Variants in CATSPERD observed in about 807,000 individuals in gnomAD.
CATSPERD encodes cation channel sperm-associated auxiliary subunit delta.
A neutral mutation model predicts 98.1 loss-of-function variants in CATSPERD; 86 were observed. The ratio of observed to expected loss-of-function variants is 0.88; its 90% CI spans 0.74 to 1.05. The LOEUF (loss-of-function observed/expected upper bound fraction) is 1.05, where lower values mean the gene tolerates loss of function less well. CATSPERD is among the 50% of genes least tolerant of loss of function. The probability of loss-of-function intolerance (pLI) is 0.00; values close to 1 mark genes in which losing one functional copy is unlikely to be tolerated. For missense variants in CATSPERD, 995 were observed against 1,005.7 expected, an observed-to-expected ratio of 0.99 and a Z score of 0.14; for synonymous variants, 394 against 390.2, an observed-to-expected ratio of 1.01 and a Z score of -0.12.
intron 7 of CATSPERD, among the ~76,000 whole-genome samples, chr19:5,741,919 G>A (rs1423423926): frequency 1.3e-5 from 2 of 151,112 alleles, no homozygotes; most frequent in Admixed American, 1.3e-4. Flanking sequence ...TGTAATCCCA[G>A]CTACTTGGGA....
chr19:5,737,053 T>A, intron 5 of CATSPERD, 85 bp from the exon 6 acceptor site: 1 of 819,534 alleles, frequency 1.2e-6, no homozygotes, highest in Non-Finnish European at 2.0e-6. Flanking sequence ...CAAGACTCTG[T>A]CTCAAAAACA....
intron 6 of CATSPERD, among the ~76,000 whole-genome samples, chr19:5,739,006 T>A (rs1236040166): frequency 6.6e-6 from 1 of 151,612 alleles, no homozygotes; most frequent in Non-Finnish European, 1.5e-5. Flanking sequence ...GGGATTACAG[T>A]TGTGAGCCAC....
intron 9 of CATSPERD, 138 bp downstream of exon 9, chr19:5,746,201 C>A (rs1034314598): frequency 2.0e-5 from 18 of 891,636 alleles, no homozygotes; most frequent in Non-Finnish European, 3.1e-5. Flanking sequence ...TCAGAGTGGA[C>A]CACAAGCCCA....
At chr19:5,731,211 G>T (rs2055710591) in intron 4 of CATSPERD, among the ~76,000 whole-genome samples, 1 of 152,090 alleles carries the variant, frequency 6.6e-6, no homozygotes, top group Non-Finnish European at 1.5e-5. Flanking sequence ...TGGACATGGT[G>T]GTTCACGCCT....
rs35594514 is a variant in CATSPERD at position 5,769,314 on chromosome 19, A to AAAT, written c.1634+1072_1634+1073insAAT. Among the ~76,000 whole-genome samples the AAAT allele has an allele frequency of 8.3e-5, 11 of 132,940 alleles. 2 individuals are homozygous for AAAT. Among genetic ancestry groups the AAAT allele is most frequent in the East Asian group, 4.3e-4 (2 of 4,634 alleles). 87.2% of individuals were successfully genotyped at this position (132,940 alleles called of 152,430 possible). A position where few individuals can be genotyped will look rare whatever the true frequency, so the allele number is the denominator to read the frequency against. ...GAGACAAAAAAAAAAAAAAAAAAAA[A>AAAT]GAGGGTGGTGGGATGGGGGGAGGAG... On this transcript the variant is annotated intron_variant, in intron 18 of 21. Coordinates refer to ENST00000381624, the MANE Select transcript of CATSPERD (RefSeq NM_152784.4).
At chr19:5,747,614 T>TC (rs1426010967) in intron 9 of CATSPERD, among the ~76,000 whole-genome samples, 2 of 139,538 alleles carry the variant, frequency 1.4e-5, no homozygotes, top group African/African-American at 5.2e-5. Flanking sequence ...TCTTTTCTTT[T>TC]TTTTTTTTTT....
intron 7 of CATSPERD, among the ~76,000 whole-genome samples, chr19:5,742,978 T>C (rs1220186001): frequency 6.6e-6 from 1 of 152,032 alleles, no homozygotes; most frequent in African/African-American, 2.4e-5. Flanking sequence ...GTTCCTGACA[T>C]GGCAAAAGGA....
chr19:5,778,524 A>G lies in CATSPERD; in HGVS notation c.2245A>G (p.Thr749Ala). The G allele has an allele frequency of 6.2e-7, 1 of 1,613,928 alleles. No homozygotes were observed. Among genetic ancestry groups the G allele is most frequent in the Non-Finnish European group, 8.5e-7 (1 of 1,180,006 alleles). Residue 749 changes from threonine to alanine, a missense_variant, in exon 22 of 22, where the codon ACA becomes GCA. Physicochemically the swap from Thr to Ala is moderately conservative, Grantham distance 58. Transcript: ENST00000381624. ...CTACAAGACCCCCAAGCTGCTACGC[A>G]CAGCACGCGGCCGCAGGATCAAGAA... ...LAYKTPKLLR[T>A]ARGRRIKKCA... is the part of the protein sequence containing the mutation.
intron 16 of CATSPERD, 50 bp from the exon 17 acceptor site, chr19:5,766,053 G>A (rs527414297): frequency 3.2e-5 from 47 of 1,466,318 alleles, no homozygotes; most frequent in Middle Eastern, 3.5e-4. Context: ...CACTGTGTCC[G>A]GGTGACCCTC....
At position 5,720,761 on chromosome 19, in the gene CATSPERD, G is replaced by A; in HGVS notation, c.24G>A (p.Ala8=). The A allele has an allele frequency of 6.2e-7, 1 of 1,605,444 alleles. No homozygotes were observed. The highest frequency in any genetic ancestry group is 8.5e-7 in the Non-Finnish European group (1 of 1,179,710). Residue 8 remains alanine, a synonymous_variant, in exon 1 of 22, where the codon GCG becomes GCA. Coordinates refer to ENST00000381624, the MANE Select transcript of CATSPERD (RefSeq NM_152784.4). MLMLMLV[A]AVTMWLRPLV... ...CGATGCTGATGTTGATGCTGGTGGC[G>A]GCTGTGACCATGTGGCTCCGACCGC... is the stretch of plus-strand genomic sequence containing the variant.
chr19:5,774,579 C>T (rs1210766808), intron 20 of CATSPERD, among the ~76,000 whole-genome samples: 1 of 151,956 alleles, frequency 6.6e-6, no homozygotes, highest in Non-Finnish European at 1.5e-5. Flanking sequence ...ATCCCAGTTA[C>T]TGGGGAGCTT....
chr19:5,765,209 CAT>C, intron 16 of CATSPERD, among the ~76,000 whole-genome samples: 1 of 152,280 alleles, frequency 6.6e-6, no homozygotes, highest in East Asian at 1.9e-4. Context: ...GCGCCTGGCC[CAT>C]GTTTGTCTTA....
chr19:5,773,278 G>A (rs531398938), intron 20 of CATSPERD, among the ~76,000 whole-genome samples: 1 of 152,302 alleles, frequency 6.6e-6, no homozygotes, highest in East Asian at 1.9e-4. Flanking sequence ...GGCAGAGGTT[G>A]CAGTGAGCAC....
intron 15 of CATSPERD, among the ~76,000 whole-genome samples, chr19:5,760,633 T>C (rs371850399): frequency 4.0e-5 from 6 of 151,706 alleles, no homozygotes; most frequent in Non-Finnish European, 5.9e-5. Flanking sequence ...CAAGTTTCAG[T>C]TGGGGAAGAT....
intron 18 of CATSPERD, among the ~76,000 whole-genome samples, chr19:5,769,141 A>G (rs1358832506): frequency 1.3e-5 from 2 of 150,372 alleles, no homozygotes; most frequent in Non-Finnish European, 3.0e-5. Flanking sequence ...GCAACAGAGC[A>G]AGACTCTGTC....
At chr19:5,729,815 T>C in intron 3 of CATSPERD, 57 bp from the exon 4 acceptor site, 1 of 1,126,330 alleles carries the variant, frequency 8.9e-7, no homozygotes. Context: ...CTCTATTGTC[T>C]TTTTTCTTTC....
chr19:5,751,729 G>C lies in CATSPERD; in HGVS notation c.1070G>C (p.Arg357Pro). 3 of 1,613,872 alleles carry C rather than the reference G, an allele frequency of 1.9e-6. No individual in the cohort carries two copies. The highest frequency in any genetic ancestry group is 2.5e-6 in the Non-Finnish European group (3 of 1,179,972). Reference protein sequence around the residue: ...PGTLEILTPLRDTAFPAFDFQ... With the variant: ...PGTLEILTPLPDTAFPAFDFQ... ...ACTCTGGAAATACTGACCCCACTGC[G>C]TGACACAGCCTTTCCAGCTTTTGAT... Residue 357 changes from arginine to proline, a missense_variant, in exon 12 of 22, where the codon CGT (arginine) becomes CCT (proline). By Grantham distance (103) the Arg-to-Pro change is moderately radical. Transcript: ENST00000381624.
intron 21 of CATSPERD, among the ~76,000 whole-genome samples, chr19:5,777,082 G>A (rs2056752597): frequency 6.6e-6 from 1 of 152,102 alleles, no homozygotes; most frequent in Non-Finnish European, 1.5e-5. Context: ...ATGCCATGTG[G>A]ATCAGTGTGT....
chr19:5,773,049 G>A, intron 20 of CATSPERD, 84 bp downstream of exon 20: 1 of 1,379,024 alleles, frequency 7.3e-7, no homozygotes, highest in Non-Finnish European at 9.9e-7. Context: ...GTGCGGCCAT[G>A]GAACTGAGTA....
Sources: gnomAD v4.1 joint callset for allele counts (sites outside exome capture counted in the v4.1 genomes callset) on GRCh38, gnomAD v4.1.1 for gene constraint, MANE v1.5 for transcripts, NCBI Gene and HGNC (gene_info 2026-07-23, HGNC 2026-07-21) for gene names.